Variants in SERINC5 observed in about 807,000 individuals in gnomAD.
The protein encoded by SERINC5 is serine incorporator 5.
In SERINC5, 41 loss-of-function variants were observed where a neutral mutation model predicts 63.1. The observed-to-expected ratio is 0.65, with a 90% confidence interval of 0.51 to 0.84. SERINC5 has a LOEUF of 0.84. Among genes scored for constraint, SERINC5 ranks in the 40% least tolerant of loss-of-function variants. The probability of loss-of-function intolerance (pLI) is 0.00; values close to 1 mark genes in which losing one functional copy is unlikely to be tolerated. For synonymous variants in SERINC5, 222 were observed against 215.2 expected, an observed-to-expected ratio of 1.03 and a Z score of -0.28; for missense variants, 523 against 573.0, an observed-to-expected ratio of 0.91 and a Z score of 0.89.
At chr5:80,192,502 G>T (rs1580144205) in intron 2 of SERINC5, among the ~76,000 whole-genome samples, 1 of 152,082 alleles carries the variant, frequency 6.6e-6, no homozygotes, top group East Asian at 1.9e-4. Flanking sequence ...TTTCAGATGG[G>T]GTGGGAAGGA....
At chr5:80,180,788 C>T (rs1183837524) in intron 2 of SERINC5, among the ~76,000 whole-genome samples, 1 of 152,168 alleles carries the variant, frequency 6.6e-6, no homozygotes. Flanking sequence ...TCAGGGTAGG[C>T]AGAGAAATGA....
intron 7 of SERINC5, among the ~76,000 whole-genome samples, chr5:80,161,026 A>ATACACACGTGTATATATG (rs1746879495): frequency 1.6e-5 from 2 of 122,042 alleles, no homozygotes; most frequent in Non-Finnish European, 3.1e-5. Flanking sequence ...GTGTATATAT[A>ATACACACGTGTATATATG]TACACACGTG....
intron 1 of SERINC5, among the ~76,000 whole-genome samples, chr5:80,236,440 CA>C (rs1309157296): frequency 1.3e-5 from 2 of 152,166 alleles, no homozygotes; most frequent in East Asian, 3.9e-4. Context: ...AAATCCACAC[CA>C]AAAATATGTT....
At chr5:80,187,557 C>T (rs2112448695) in intron 2 of SERINC5, among the ~76,000 whole-genome samples, 1 of 152,246 alleles carries the variant, frequency 6.6e-6, no homozygotes, top group South Asian at 2.1e-4. Flanking sequence ...TCTTGGCAAC[C>T]AAAGCTCATT....
Position 80,139,520 on chromosome 5 carries a change from A to G in SERINC5, c.*4143T>C. ...AAGGATTTTGCTTAAGGAAAAAAAA[A>G]GCTCTTTGGTAAAGGCCAAATATTT... On this transcript the variant is annotated 3_prime_UTR_variant, in exon 12 of 12. Coordinates refer to ENST00000507668, the MANE Select transcript of SERINC5 (RefSeq NM_001174072.3). The G allele has an allele frequency of 2.0e-6, 2 of 985,228 alleles. No individual in the cohort carries two copies. Among genetic ancestry groups the G allele is most frequent in the Non-Finnish European group, 2.4e-6 (2 of 829,840 alleles). 61.0% of individuals were successfully genotyped at this position (985,228 alleles called of 1,614,324 possible).
Position 80,141,766 on chromosome 5 carries a change from T to C in SERINC5, c.*1897A>G. 1 of 955,134 alleles carries C rather than the reference T, an allele frequency of 1.0e-6. No homozygotes were observed. Among genetic ancestry groups the C allele is most frequent in the African/African-American group, 1.8e-5 (1 of 57,108 alleles). The allele number at this position is 955,134 out of a possible 1,614,324, so 59.2% of individuals were successfully genotyped here. A position where few individuals can be genotyped will look rare whatever the true frequency, so the allele number is the denominator to read the frequency against. The stretch of plus-strand genomic sequence containing the variant: ...TTCATTTTGCGACTCCAGATGAATC[T>C]TTTAACTGCTGAGTACAGAGCTCCT... On this transcript the variant is annotated 3_prime_UTR_variant, in exon 12 of 12. Transcript: ENST00000507668.
At chr5:80,111,849 G>C (rs1744122960) in intron 12 of SERINC5, 1 of 152,238 alleles carries the variant, frequency 6.6e-6, no homozygotes. Context: ...CTTTTCTCCA[G>C]CCTTGTGCTC....
At chr5:80,184,734 A>G (rs1291423622) in intron 2 of SERINC5, among the ~76,000 whole-genome samples, 1 of 151,984 alleles carries the variant, frequency 6.6e-6, no homozygotes, top group African/African-American at 2.4e-5. Flanking sequence ...TCCAAAGTCC[A>G]CCCCATTTTT....
At position 80,174,939 on chromosome 5, in the gene SERINC5, C is replaced by T; in HGVS notation, c.551+15G>A. 2 of 1,562,996 alleles carry T rather than the reference C, an allele frequency of 1.3e-6. No homozygotes were observed. The highest frequency in any genetic ancestry group is 1.7e-6 in the Non-Finnish European group (2 of 1,148,208). On this transcript the variant is annotated intron_variant, in intron 5 of 11. Coordinates refer to ENST00000507668, the MANE Select transcript of SERINC5 (RefSeq NM_001174072.3). ...TTCTGTGAGTCAATGGGAAGCTTTC[C>T]ATAAAGGCACACACCAGTTCTTGTT...
intron 2 of SERINC5, 65 bp from the exon 3 acceptor site, chr5:80,178,129 T>C (rs1047869511): frequency 1.2e-5 from 13 of 1,052,600 alleles, no homozygotes; most frequent in African/African-American, 8.0e-5. Context: ...TCACGGAGTG[T>C]TCATGCAGCC....
At chr5:80,153,411 A>AG (rs1391203459) in intron 8 of SERINC5, among the ~76,000 whole-genome samples, 51 of 152,170 alleles carry the variant, frequency 3.4e-4, no homozygotes, top group South Asian at 2.3e-3. Context: ...GAAAAAAAAA[A>AG]AGATCTTTAT....
At chr5:80,203,972 C>A (rs759289945) in intron 1 of SERINC5, among the ~76,000 whole-genome samples, 5 of 152,148 alleles carry the variant, frequency 3.3e-5, no homozygotes, top group Non-Finnish European at 7.3e-5. Flanking sequence ...CATAATAGTG[C>A]CTCCATAAAA....
intron 11 of SERINC5, chr5:80,128,940 G>T (rs1744840819): frequency 6.6e-6 from 1 of 152,104 alleles, no homozygotes; most frequent in African/African-American, 2.4e-5. Flanking sequence ...TTCTTTCTAT[G>T]TCTGTGATGC....
chr5:80,181,863 C>T (rs1232689109), intron 2 of SERINC5, among the ~76,000 whole-genome samples: 1 of 152,204 alleles, frequency 6.6e-6, no homozygotes, highest in Non-Finnish European at 1.5e-5. Context: ...ACATCAAAGA[C>T]TGTTTCTTGC....
chr5:80,118,714 A>ATTTT lies in SERINC5; in HGVS notation c.1239-5093_1239-5090dup, dbSNP rs34814066. On this transcript the variant is annotated intron_variant, in intron 11 of 12. Coordinates refer to the SERINC5 transcript ENST00000509193. The stretch of plus-strand genomic sequence containing the variant: ...AGGCGCATGCCACCATGTCCAGCTA[A>ATTTT]TTTTTTTTTTTTTTTTTTTTTGTAG... 9.8e-3 allele frequency among the ~76,000 whole-genome samples: 1,064 copies of ATTTT among 108,176 alleles called. 38 individuals carry two copies. The highest frequency in any genetic ancestry group is 0.038 in the African/African-American group (999 of 26,116). The allele number at this position is 108,176 out of a possible 152,430, so 71.0% of individuals were successfully genotyped here.
At chr5:80,238,009 T>C (rs1280266892) in intron 1 of SERINC5, among the ~76,000 whole-genome samples, 3 of 142,060 alleles carry the variant, frequency 2.1e-5, no homozygotes, top group African/African-American at 8.0e-5. Flanking sequence ...GAGGCTGAGG[T>C]AGGAGACTCA....
At chr5:80,173,059 C>T (rs558749261) in intron 5 of SERINC5, among the ~76,000 whole-genome samples, 1 of 152,150 alleles carries the variant, frequency 6.6e-6, no homozygotes, top group African/African-American at 2.4e-5. Flanking sequence ...ATTCCTCCAT[C>T]CCCCAAACCT....
chr5:80,176,912 T>C (rs993120576), intron 4 of SERINC5, among the ~76,000 whole-genome samples: 2 of 152,210 alleles, frequency 1.3e-5, no homozygotes, highest in Admixed American at 6.5e-5. Context: ...ATAAAGAATA[T>C]AATTCAATGC....
chr5:80,210,384 C>T (rs1204631064), intron 1 of SERINC5, among the ~76,000 whole-genome samples: 2 of 152,194 alleles, frequency 1.3e-5, no homozygotes, highest in African/African-American at 4.8e-5. Context: ...CCCCGCAACA[C>T]ACACACATTC....
Sources: gnomAD v4.1 joint callset for allele counts (sites outside exome capture counted in the v4.1 genomes callset) on GRCh38, gnomAD v4.1.1 for gene constraint, MANE v1.5 for transcripts, NCBI Gene and HGNC (gene_info 2026-07-23, HGNC 2026-07-21) for gene names.